The following LPAR1 variants were observed in gnomAD, a reference collection of about 807,000 sequenced individuals.
LPAR1 encodes LPA receptor 1.
A neutral mutation model predicts 23.8 loss-of-function variants in LPAR1; 5 were observed. That is an observed-to-expected ratio of 0.21 (90% CI 0.11 to 0.44). The LOEUF (loss-of-function observed/expected upper bound fraction) is 0.44. Ranked by LOEUF, LPAR1 falls within the 20% of genes least tolerant of loss-of-function variation. The probability of loss-of-function intolerance (pLI) is 0.99; values close to 1 mark genes in which losing one functional copy is unlikely to be tolerated. For synonymous variants in LPAR1, 160 were observed against 164.7 expected (o/e 0.97, Z 0.22); for missense variants, 311 against 482.8 (o/e 0.64, Z 3.33).
chr9:110,918,073 T>C (rs1413701765), intron 5 of LPAR1, among the ~76,000 whole-genome samples: 1 of 151,966 alleles, frequency 6.6e-6, no homozygotes, highest in South Asian at 2.1e-4. Flanking sequence ...CAACTAACTT[T>C]TGTTTTTTGT....
intron 4 of LPAR1, among the ~76,000 whole-genome samples, chr9:110,943,255 T>TA (rs2095237454): frequency 1.3e-5 from 2 of 151,366 alleles, no homozygotes; most frequent in African/African-American, 2.4e-5. Context: ...CCCCTAAAAT[T>TA]AAAAAATATA....
intron 4 of LPAR1, among the ~76,000 whole-genome samples, chr9:110,952,648 G>A (rs1407143553): frequency 6.6e-6 from 1 of 152,072 alleles, no homozygotes; most frequent in African/African-American, 2.4e-5. Context: ...TGCTACCTGG[G>A]GCTGAAGCAT....
At chr9:111,033,964 A>T (rs192647067) in intron 2 of LPAR1, among the ~76,000 whole-genome samples, 1 of 152,360 alleles carries the variant, frequency 6.6e-6, no homozygotes, top group Non-Finnish European at 1.5e-5. Flanking sequence ...ACCAGTGTAT[A>T]TCCTCCTGTG....
chr9:110,958,858 T>A (rs1207853593), intron 4 of LPAR1, among the ~76,000 whole-genome samples: 6 of 128,764 alleles, frequency 4.7e-5, no homozygotes, highest in South Asian at 2.4e-4. Flanking sequence ...AGTCAAGAGT[T>A]AAAAAAAAAA....
chr9:111,012,369 C>T (rs1439352869), intron 2 of LPAR1, among the ~76,000 whole-genome samples: 1 of 152,144 alleles, frequency 6.6e-6, no homozygotes, highest in Non-Finnish European at 1.5e-5. Flanking sequence ...TCTGGCATTT[C>T]TGATGACAGT....
chr9:110,885,872 G>A (rs1396490937), intron 5 of LPAR1, among the ~76,000 whole-genome samples: 3 of 152,126 alleles, frequency 2.0e-5, no homozygotes, highest in Non-Finnish European at 4.4e-5. Context: ...AGACCAGCCT[G>A]ACCAATATGA....
chr9:110,895,405 T>A (rs1375792547), intron 5 of LPAR1, among the ~76,000 whole-genome samples: 4 of 152,198 alleles, frequency 2.6e-5, no homozygotes, highest in Non-Finnish European at 5.9e-5. Context: ...GCCACTAGGC[T>A]GGGTGGGCTG....
At chr9:111,029,830 C>T (rs2097765047) in intron 2 of LPAR1, among the ~76,000 whole-genome samples, 1 of 151,694 alleles carries the variant, frequency 6.6e-6, no homozygotes, top group Admixed American at 6.6e-5. Flanking sequence ...GCGGGTGGTT[C>T]ACTTGAGGCC....
At chr9:110,895,305 C>A (rs1000346996) in intron 5 of LPAR1, among the ~76,000 whole-genome samples, 3 of 152,172 alleles carry the variant, frequency 2.0e-5, no homozygotes, top group African/African-American at 7.2e-5. Flanking sequence ...AGTTGCATAG[C>A]CAGAACAGCT....
chr9:110,965,553 A>G (rs1339542258), intron 4 of LPAR1, among the ~76,000 whole-genome samples: 3 of 152,252 alleles, frequency 2.0e-5, no homozygotes, highest in Admixed American at 6.5e-5. Flanking sequence ...AGAGAAATGC[A>G]AATCAAAACC....
At chr9:111,033,170 C>G (rs2097833203) in intron 2 of LPAR1, among the ~76,000 whole-genome samples, 1 of 152,142 alleles carries the variant, frequency 6.6e-6, no homozygotes, top group Non-Finnish European at 1.5e-5. Context: ...TTTACATGGA[C>G]TTCAGGGTTA....
chr9:111,015,982 T>C (rs1157139941), intron 2 of LPAR1, among the ~76,000 whole-genome samples: 9 of 152,060 alleles, frequency 5.9e-5, no homozygotes. Context: ...TTCACCTTGC[T>C]TGTTAAGCCC....
At chr9:110,910,611 T>C (rs1035194861) in intron 5 of LPAR1, among the ~76,000 whole-genome samples, 1 of 152,228 alleles carries the variant, frequency 6.6e-6, no homozygotes, top group African/African-American at 2.4e-5. Context: ...ATTTCTCTGA[T>C]GGATCTTGGC....
At chr9:110,961,776 T>C (rs921568481) in intron 4 of LPAR1, among the ~76,000 whole-genome samples, 2 of 152,026 alleles carry the variant, frequency 1.3e-5, no homozygotes, top group African/African-American at 4.8e-5. Context: ...ACAGGGGAAC[T>C]GCCCTTTATA....
In LPAR1 at chr9:111,030,926, A is replaced by C. The variant is rs575005584; in HGVS notation, c.-182+5196T>G. The stretch of plus-strand genomic sequence containing the variant: ...CAGACAGATACACACACAAACATAC[A>C]TATGAGTATGTATAAACATATCCAC... On this transcript the variant is annotated intron_variant, in intron 2 of 5. Transcript: ENST00000683809. Among the ~76,000 whole-genome samples the C allele has an allele frequency of 8.5e-5, 13 of 152,286 alleles. No individual in the cohort carries two copies. In the South Asian group the frequency reaches 2.5e-3, roughly 29 times the overall value.
At chr9:111,034,189 C>T (rs148096998) in intron 2 of LPAR1, among the ~76,000 whole-genome samples, 1 of 152,204 alleles carries the variant, frequency 6.6e-6, no homozygotes, top group African/African-American at 2.4e-5. Context: ...CTTGGCTTCC[C>T]TCTCTCCTTC....
chr9:111,005,860 C>G (rs2097209325), intron 2 of LPAR1, among the ~76,000 whole-genome samples: 3 of 152,180 alleles, frequency 2.0e-5, no homozygotes, highest in Admixed American at 2.0e-4. Flanking sequence ...CACTGCCACA[C>G]ACACATCATC....
At chr9:110,897,395 G>C (rs551415731) in intron 5 of LPAR1, among the ~76,000 whole-genome samples, 21 of 152,272 alleles carry the variant, frequency 1.4e-4, no homozygotes, top group African/African-American at 5.1e-4. Context: ...TGGCCTCCCA[G>C]CCATGTTGAA....
At chr9:110,963,838 TA>T (rs2096092224) in intron 4 of LPAR1, among the ~76,000 whole-genome samples, 1 of 152,184 alleles carries the variant, frequency 6.6e-6, no homozygotes, top group South Asian at 2.1e-4. Context: ...TTTTAAAAAA[TA>T]AAGCTGAAAA....
Sources: gnomAD v4.1 joint callset for allele counts (sites outside exome capture counted in the v4.1 genomes callset) on GRCh38, gnomAD v4.1.1 for gene constraint, MANE v1.5 for transcripts, NCBI Gene and HGNC (gene_info 2026-07-23, HGNC 2026-07-21) for gene names.